Variants in CWF19L2 observed in about 807,000 individuals in gnomAD.
CWF19L2 encodes CWF19 like cell cycle control factor 2.
CWF19L2 carries 98 observed loss-of-function variants against 111.7 expected under a neutral mutation model. The ratio of observed to expected loss-of-function variants is 0.88; its 90% CI spans 0.75 to 1.04. The LOEUF (loss-of-function observed/expected upper bound fraction) is 1.04, where lower values mean the gene tolerates loss of function less well. CWF19L2 is among the 50% of genes least tolerant of loss of function. CWF19L2 has a pLI of 0.00. For synonymous variants in CWF19L2, 351 were observed against 342.9 expected, an observed-to-expected ratio of 1.02 and a Z score of -0.26; for missense variants, 1,101 against 1,051.4, an observed-to-expected ratio of 1.05 and a Z score of -0.65.
chr11:107,369,151 A>C (rs549987152), intron 12 of CWF19L2, among the ~76,000 whole-genome samples: 2 of 138,152 alleles, frequency 1.4e-5, no homozygotes, highest in South Asian at 4.9e-4. Context: ...AGCAAGAGTT[A>C]CACGGTTTTT....
chr11:107,455,155 A>T (rs547844171), intron 2 of CWF19L2, among the ~76,000 whole-genome samples: 1 of 152,252 alleles, frequency 6.6e-6, no homozygotes, highest in South Asian at 2.1e-4. Context: ...GCCATTGAAG[A>T]ACAGACTTTT....
intron 4 of CWF19L2, among the ~76,000 whole-genome samples, 196 bp downstream of exon 4, chr11:107,442,740 AAGG>A (rs1861637524): frequency 3.2e-4 from 6 of 18,736 alleles, no homozygotes; most frequent in Admixed American, 2.5e-3. Flanking sequence ...GAAAGAAAGG[AAGG>A]AAGGAAGGAA....
intron 14 of CWF19L2, chr11:107,345,464 T>A (rs1860066410): frequency 2.2e-6 from 1 of 458,962 alleles, no homozygotes; most frequent in Admixed American, 2.4e-5. Context: ...TCTGGCTTAA[T>A]TATTGGATGA....
chr11:107,443,365 C>T (rs1416521302), intron 3 of CWF19L2, among the ~76,000 whole-genome samples: 5 of 152,066 alleles, frequency 3.3e-5, no homozygotes, highest in South Asian at 2.1e-4. Flanking sequence ...TGCCTGTAAT[C>T]CCAGCTGCTC....
intron 6 of CWF19L2, among the ~76,000 whole-genome samples, chr11:107,435,009 A>G (rs1057348141): frequency 1.3e-5 from 2 of 152,186 alleles, no homozygotes; most frequent in Admixed American, 6.5e-5. Flanking sequence ...TTATATTCAT[A>G]GTAAATATTC....
At chr11:107,435,708 A>G (rs1861531335) in intron 6 of CWF19L2, among the ~76,000 whole-genome samples, 1 of 152,166 alleles carries the variant, frequency 6.6e-6, no homozygotes, top group African/African-American at 2.4e-5. Context: ...GGCAATAATG[A>G]AGTCTTTTTG....
intron 10 of CWF19L2, among the ~76,000 whole-genome samples, chr11:107,415,826 A>G (rs1861216903): frequency 6.6e-6 from 1 of 152,214 alleles, no homozygotes; most frequent in Non-Finnish European, 1.5e-5. Flanking sequence ...AGCTGGGCAC[A>G]GTAACTCGCA....
intron 4 of CWF19L2, among the ~76,000 whole-genome samples, chr11:107,442,525 A>G (rs1861632403): frequency 1.3e-5 from 1 of 76,962 alleles, no homozygotes; most frequent in Non-Finnish European, 2.5e-5. Flanking sequence ...TCTACACAAA[A>G]TAAAAAAATT....
chr11:107,389,305 C>G (rs933344336), intron 12 of CWF19L2, among the ~76,000 whole-genome samples: 3 of 152,332 alleles, frequency 2.0e-5, no homozygotes, highest in South Asian at 2.1e-4. Flanking sequence ...ACTATCCACT[C>G]TCTGTCACAA....
At chr11:107,387,462 C>CAAA (rs201064466) in intron 12 of CWF19L2, among the ~76,000 whole-genome samples, 3 of 97,908 alleles carry the variant, frequency 3.1e-5, no homozygotes, top group African/African-American at 1.3e-4. Context: ...CAAAACAAAA[C>CAAA]AAAACAAAAA....
At chr11:107,404,487 C>A (rs1205018114) in intron 10 of CWF19L2, 9 of 754,022 alleles carry the variant, frequency 1.2e-5, no homozygotes, top group Non-Finnish European at 2.0e-5. Context: ...TTGTTGTAGG[C>A]GAGATGACTG....
intron 10 of CWF19L2, 28 bp from the exon 11 acceptor site, chr11:107,392,923 G>T (rs1225838974): frequency 1.5e-6 from 2 of 1,305,906 alleles, no homozygotes; most frequent in Admixed American, 2.4e-5. Flanking sequence ...GATAACTATT[G>T]AAATTATTGT....
chr11:107,370,316 G>C (rs556226665), intron 12 of CWF19L2, among the ~76,000 whole-genome samples: 1 of 136,584 alleles, frequency 7.3e-6, no homozygotes, highest in African/African-American at 2.9e-5. Flanking sequence ...AGAGGGGAGG[G>C]GAGTAAGACA....
chr11:107,360,061 A>T (rs961183161), intron 12 of CWF19L2, among the ~76,000 whole-genome samples: 1 of 152,200 alleles, frequency 6.6e-6, no homozygotes, highest in African/African-American at 2.4e-5. Flanking sequence ...CATCACTCAA[A>T]TAATGTACAT....
intron 12 of CWF19L2, among the ~76,000 whole-genome samples, chr11:107,378,066 G>A (rs1860621119): frequency 6.6e-6 from 1 of 151,388 alleles, no homozygotes; most frequent in South Asian, 2.1e-4. Flanking sequence ...ACCACAATGA[G>A]ATACCATCTC....
At chr11:107,449,712 C>T (rs2135428431) in intron 3 of CWF19L2, among the ~76,000 whole-genome samples, 1 of 151,558 alleles carries the variant, frequency 6.6e-6, no homozygotes, top group Admixed American at 6.6e-5. Flanking sequence ...TAAGGTATAC[C>T]TAATAAGCCT....
intron 12 of CWF19L2, among the ~76,000 whole-genome samples, chr11:107,380,442 A>T (rs945992491): frequency 1.3e-5 from 2 of 152,222 alleles, no homozygotes; most frequent in Admixed American, 6.5e-5. Context: ...AACTTTGATT[A>T]AAATCTGAGA....
chr11:107,426,701 A>G (rs547075583), intron 8 of CWF19L2, among the ~76,000 whole-genome samples: 12 of 151,644 alleles, frequency 7.9e-5, no homozygotes, highest in East Asian at 1.9e-4. Context: ...ACTTATTGGG[A>G]AAAAAAACCA....
intron 2 of CWF19L2, among the ~76,000 whole-genome samples, chr11:107,455,133 A>G (rs746231818): frequency 5.3e-5 from 8 of 152,144 alleles, no homozygotes; most frequent in Non-Finnish European, 1.0e-4. Flanking sequence ...ATAAGGTATT[A>G]TCTATTTCAA....
Sources: gnomAD v4.1 joint callset for allele counts (sites outside exome capture counted in the v4.1 genomes callset) on GRCh38, gnomAD v4.1.1 for gene constraint, MANE v1.5 for transcripts, NCBI Gene and HGNC (gene_info 2026-07-23, HGNC 2026-07-21) for gene names.